The following MCPH1 variants were observed in gnomAD, a reference collection of about 807,000 sequenced individuals.
MCPH1 encodes the protein microcephalin 1, also known as microcephalin.
MCPH1 carries 104 observed loss-of-function variants against 84.5 expected under a neutral mutation model. The observed-to-expected ratio is 1.23, with a 90% CI of 1.05 to 1.45. The LOEUF is 1.45. Ranked by LOEUF, MCPH1 falls within the 40% of genes most tolerant of loss-of-function variation. The probability of loss-of-function intolerance (pLI) is 0.00; values close to 1 mark genes in which losing one functional copy is unlikely to be tolerated. For missense variants in MCPH1, 1,498 were observed against 1,005.7 expected (o/e 1.49, Z -6.62); for synonymous variants, 514 against 366.8 (o/e 1.40, Z -4.58).
intron 12 of MCPH1, among the ~76,000 whole-genome samples, chr8:6,522,760 C>T (rs969937297): frequency 9.5e-5 from 14 of 148,020 alleles, no homozygotes; most frequent in African/African-American, 2.6e-4. Context: ...GGCAACAGAG[C>T]GAGACATCGT....
At position 6,645,181 on chromosome 8, in the gene MCPH1, T is replaced by G. The variant is rs1171109023; in HGVS notation, c.*2132T>G. 1 of 152,398 alleles carries G rather than the reference T, an allele frequency of 6.6e-6. No individual in the cohort carries two copies. The highest frequency in any genetic ancestry group is 1.9e-4 in the East Asian group (1 of 5,186). 9.4% of individuals were successfully genotyped at this position (152,398 alleles called of 1,614,324 possible). A position where few individuals can be genotyped will look rare whatever the true frequency, so the allele number is the denominator to read the frequency against. ...CATCAGCCACGGAGCCAGCCCAGCC[T>G]CTGCCCACCCAGGCCTCAGTCCCCA... On this transcript the variant is annotated 3_prime_UTR_variant, in exon 14 of 14. Transcript: ENST00000344683.
At chr8:6,492,898 A>G (rs769729168) in intron 11 of MCPH1, among the ~76,000 whole-genome samples, 2 of 152,060 alleles carry the variant, frequency 1.3e-5, no homozygotes, top group African/African-American at 4.8e-5. Flanking sequence ...TGTAAATACT[A>G]TTGTCTACTT....
intron 12 of MCPH1, among the ~76,000 whole-genome samples, chr8:6,505,844 TTATA>T (rs1199555207): frequency 1.4e-5 from 2 of 139,164 alleles, no homozygotes; most frequent in South Asian, 2.2e-4. Context: ...TGCATATTCT[TTATA>T]TATGTATATA....
intron 13 of MCPH1, among the ~76,000 whole-genome samples, chr8:6,640,104 G>A (rs552597850): frequency 1.2e-4 from 18 of 145,742 alleles, no homozygotes; most frequent in East Asian, 2.3e-4. Flanking sequence ...GTGTGCGCGC[G>A]CGTGTGTGTG....
chr8:6,563,072 T>A (rs1825805025), intron 12 of MCPH1: 1 of 944,882 alleles, frequency 1.1e-6, no homozygotes, highest in East Asian at 2.7e-5. Context: ...TTCTCTTTCC[T>A]CTTTTTCCAG....
At chr8:6,489,508 G>T (rs1179902568) in intron 11 of MCPH1, among the ~76,000 whole-genome samples, 1 of 152,172 alleles carries the variant, frequency 6.6e-6, no homozygotes, top group South Asian at 2.1e-4. Context: ...CAGAGACCTT[G>T]AAAAAAGCAG....
At chr8:6,535,490 CAG>C (rs1563083971) in intron 12 of MCPH1, among the ~76,000 whole-genome samples, 1 of 152,152 alleles carries the variant, frequency 6.6e-6, no homozygotes, top group African/African-American at 2.4e-5. Flanking sequence ...TATAGGTTCA[CAG>C]TGGGTGAGCT....
Position 6,436,090 on chromosome 8 carries a change from G to T in MCPH1, c.364G>T (p.Glu122Ter), listed in dbSNP as rs750937838. ...QPKDFNFKTP[E>*]NDKRFQKKFE... ...CAAAGATTTTAATTTTAAAACACCA[G>T]AAAATGATAAGAGATTTCAGAAGAA... Residue 122 changes from glutamate (E) to a stop codon, truncating the protein, a stop_gained, in exon 5 of 14, where the codon GAA becomes TAA. Coordinates refer to ENST00000344683, the MANE Select transcript of MCPH1 (RefSeq NM_024596.5). LOFTEE classifies it high-confidence loss of function. The T allele has an allele frequency of 2.5e-6, 4 of 1,613,600 alleles. No homozygotes were observed. The highest frequency in any genetic ancestry group is 3.4e-6 in the Non-Finnish European group (4 of 1,179,790).
chr8:6,527,446 C>T (rs1818540209), intron 12 of MCPH1: 7 of 1,382,606 alleles, frequency 5.1e-6, no homozygotes, highest in Non-Finnish European at 6.9e-6. Context: ...CTGACCCTTA[C>T]ACTAGACATG....
intron 12 of MCPH1, among the ~76,000 whole-genome samples, chr8:6,556,361 A>T (rs1824607382): frequency 6.6e-6 from 1 of 152,162 alleles, no homozygotes; most frequent in Non-Finnish European, 1.5e-5. Context: ...TTACTTGGGT[A>T]ATAGGAATAG....
At chr8:6,552,277 T>A (rs1028833178) in intron 12 of MCPH1, among the ~76,000 whole-genome samples, 1 of 152,152 alleles carries the variant, frequency 6.6e-6, no homozygotes, top group Admixed American at 6.5e-5. Flanking sequence ...CCTGAAGGGA[T>A]GAAATTACAT....
intron 3 of MCPH1, among the ~76,000 whole-genome samples, chr8:6,427,896 G>T (rs1014213324): frequency 2.0e-5 from 3 of 151,092 alleles, no homozygotes; most frequent in Non-Finnish European, 2.9e-5. Context: ...AGGTTCAAGC[G>T]ATTCTCCTGA....
chr8:6,638,369 T>C (rs1381344004), intron 13 of MCPH1, among the ~76,000 whole-genome samples: 1 of 152,142 alleles, frequency 6.6e-6, no homozygotes, highest in Non-Finnish European at 1.5e-5. Flanking sequence ...CTCTTGAACT[T>C]CTGTACATTG....
At chr8:6,555,943 A>G (rs973570489) in intron 12 of MCPH1, among the ~76,000 whole-genome samples, 1 of 152,158 alleles carries the variant, frequency 6.6e-6, no homozygotes, top group Non-Finnish European at 1.5e-5. Context: ...AAGGGCTGGC[A>G]TCTCACCTAT....
intron 9 of MCPH1, among the ~76,000 whole-genome samples, chr8:6,461,486 C>A (rs1012264317): frequency 1.3e-5 from 2 of 148,664 alleles, no homozygotes; most frequent in Admixed American, 6.6e-5. Flanking sequence ...GCCACCATGC[C>A]CAGCTAATTT....
At chr8:6,533,432 T>C (rs1819906275) in intron 12 of MCPH1, among the ~76,000 whole-genome samples, 1 of 152,216 alleles carries the variant, frequency 6.6e-6, no homozygotes, top group Non-Finnish European at 1.5e-5. Context: ...GGAAAGTTGC[T>C]TAACCTTTTG....
intron 12 of MCPH1, among the ~76,000 whole-genome samples, chr8:6,532,090 C>G (rs1819627661): frequency 6.6e-6 from 1 of 152,194 alleles, no homozygotes; most frequent in South Asian, 2.1e-4. Context: ...ATGAAAATGA[C>G]TCACATGTCT....
At chr8:6,554,638 A>G (rs1009644786) in intron 12 of MCPH1, among the ~76,000 whole-genome samples, 1 of 152,210 alleles carries the variant, frequency 6.6e-6, no homozygotes, top group Non-Finnish European at 1.5e-5. Flanking sequence ...TTGTGGTGGT[A>G]AGTTGTCAGG....
chr8:6,630,799 A>C (rs1456461817), intron 13 of MCPH1, among the ~76,000 whole-genome samples: 2 of 151,918 alleles, frequency 1.3e-5, no homozygotes, highest in East Asian at 1.9e-4. Flanking sequence ...AAAAACAAAA[A>C]AAAAAAACAA....
Sources: allele counts gnomAD v4.1 joint callset (sites outside exome capture counted in the v4.1 genomes callset), GRCh38; gene constraint gnomAD v4.1.1; transcripts MANE v1.5; gene names NCBI Gene and HGNC (gene_info 2026-07-23, HGNC 2026-07-21).